The following SIAH3 variants were observed in gnomAD, a reference collection of about 807,000 sequenced individuals.
SIAH3 encodes siah E3 ubiquitin protein ligase family member 3, also known as seven in absentia homolog 3.
In SIAH3, 9 loss-of-function variants were observed where a neutral mutation model predicts 12.6. The ratio of observed to expected loss-of-function variants is 0.72; its 90% CI spans 0.43 to 1.25. The LOEUF is 1.25. Ranked by LOEUF, SIAH3 falls within the 50% of genes most tolerant of loss-of-function variation. The pLI, the probability that SIAH3 is intolerant of heterozygous loss-of-function variation, is 0.00. For synonymous variants in SIAH3, 154 were observed against 151.1 expected (o/e 1.02, Z -0.14); for missense variants, 390 against 365.4 (o/e 1.07, Z -0.55).
chr13:45,790,063 T>G (rs1292871601), intron 1 of SIAH3, among the ~76,000 whole-genome samples: 2 of 152,224 alleles, frequency 1.3e-5, no homozygotes, highest in East Asian at 3.9e-4. Context: ...AATATCCTTG[T>G]GTCCAGCTGC....
At chr13:45,813,730 G>T (rs1950624140) in intron 1 of SIAH3, among the ~76,000 whole-genome samples, 1 of 152,146 alleles carries the variant, frequency 6.6e-6, no homozygotes, top group Non-Finnish European at 1.5e-5. Context: ...TTCCTAGTTT[G>T]CAGACAGCTG....
chr13:45,833,091 T>C (rs1207817599), intron 1 of SIAH3, among the ~76,000 whole-genome samples: 1 of 152,162 alleles, frequency 6.6e-6, no homozygotes, highest in Non-Finnish European at 1.5e-5. Context: ...GGTGACAAAT[T>C]TGGGACCTCT....
intron 1 of SIAH3, among the ~76,000 whole-genome samples, chr13:45,840,589 A>G (rs918805030): frequency 6.6e-6 from 1 of 152,220 alleles, no homozygotes; most frequent in African/African-American, 2.4e-5. Context: ...GGAAGAAGTC[A>G]CTGCTGGAGG....
At chr13:45,842,910 C>T (rs1950745188) in intron 1 of SIAH3, among the ~76,000 whole-genome samples, 1 of 152,180 alleles carries the variant, frequency 6.6e-6, no homozygotes, top group African/African-American at 2.4e-5. Flanking sequence ...TGTTCTTCCA[C>T]TGTGCTGGGG....
intron 1 of SIAH3, among the ~76,000 whole-genome samples, chr13:45,828,492 C>G (rs990509313): frequency 1.3e-5 from 2 of 152,186 alleles, no homozygotes; most frequent in African/African-American, 4.8e-5. Context: ...ATTTTGGGAA[C>G]AGCAAAATTT....
chr13:45,816,853 A>C (rs1950636506), intron 1 of SIAH3, among the ~76,000 whole-genome samples: 1 of 152,230 alleles, frequency 6.6e-6, no homozygotes, highest in African/African-American at 2.4e-5. Flanking sequence ...TAACTATAAT[A>C]TATGGAGTGA....
intron 1 of SIAH3, among the ~76,000 whole-genome samples, chr13:45,850,488 G>A (rs1430450968): frequency 6.6e-6 from 1 of 152,134 alleles, no homozygotes; most frequent in East Asian, 1.9e-4. Context: ...AGGAGTACAG[G>A]AAAGGAACTT....
rs181901915 is a variant in SIAH3, at chr13:45,777,918, T to C, written c.*5465A>G. ...ACCTTGAAGATTCTGCCTGCTTCAATGGACTTAGCTGGAAGTTTCCAGTGA... is the reference window on the plus strand; with the variant it reads ...ACCTTGAAGATTCTGCCTGCTTCAACGGACTTAGCTGGAAGTTTCCAGTGA... On this transcript the variant is annotated 3_prime_UTR_variant, in exon 2 of 2. Transcript: ENST00000400405. 6.6e-6 allele frequency: 1 copy of C among 152,348 alleles called. No homozygotes were observed. Among genetic ancestry groups the C allele is most frequent in the African/African-American group, 2.4e-5 (1 of 41,582 alleles). 9.4% of individuals were successfully genotyped at this position (152,348 alleles called of 1,614,324 possible).
At chr13:45,786,009 T>A (rs1950526614) in intron 1 of SIAH3, among the ~76,000 whole-genome samples, 1 of 152,214 alleles carries the variant, frequency 6.6e-6, no homozygotes, top group Non-Finnish European at 1.5e-5. Flanking sequence ...AAATAATTAT[T>A]TCATTTAATT....
intron 1 of SIAH3, among the ~76,000 whole-genome samples, chr13:45,796,968 T>C (rs1950564931): frequency 6.6e-6 from 1 of 152,152 alleles, no homozygotes; most frequent in South Asian, 2.1e-4. Context: ...GAAGGGAGAA[T>C]TCCTGCCCCC....
At chr13:45,795,807 T>C (rs1950560563) in intron 1 of SIAH3, among the ~76,000 whole-genome samples, 1 of 152,204 alleles carries the variant, frequency 6.6e-6, no homozygotes, top group Non-Finnish European at 1.5e-5. Flanking sequence ...TAATTCATAA[T>C]AGCCAAAATC....
chr13:45,815,725 T>C (rs1950632245), intron 1 of SIAH3, among the ~76,000 whole-genome samples: 1 of 152,174 alleles, frequency 6.6e-6, no homozygotes. Flanking sequence ...GTTCACTCCA[T>C]GATGTGAGAG....
intron 1 of SIAH3, among the ~76,000 whole-genome samples, chr13:45,838,228 A>G (rs1032367625): frequency 1.3e-5 from 2 of 152,194 alleles, no homozygotes; most frequent in Non-Finnish European, 2.9e-5. Context: ...ATGAAAGCTT[A>G]GCCTCTTGAT....
chr13:45,823,066 G>A (rs962080617), intron 1 of SIAH3, among the ~76,000 whole-genome samples: 1 of 152,106 alleles, frequency 6.6e-6, no homozygotes, highest in African/African-American at 2.4e-5. Flanking sequence ...AAAGCTGTTA[G>A]CTCTTATTTG....
At chr13:45,835,197 A>G (rs1233075285) in intron 1 of SIAH3, among the ~76,000 whole-genome samples, 1 of 152,204 alleles carries the variant, frequency 6.6e-6, no homozygotes, top group Non-Finnish European at 1.5e-5. Flanking sequence ...AAACTTTGGT[A>G]TTATTGTGAT....
chr13:45,819,624 T>G (rs1950648139), intron 1 of SIAH3, among the ~76,000 whole-genome samples: 1 of 152,220 alleles, frequency 6.6e-6, no homozygotes, highest in Non-Finnish European at 1.5e-5. Context: ...AATGTGGCTT[T>G]AGAAATAGCT....
At chr13:45,845,421 T>G (rs1474940300) in intron 1 of SIAH3, among the ~76,000 whole-genome samples, 2 of 152,208 alleles carry the variant, frequency 1.3e-5, no homozygotes, top group Non-Finnish European at 2.9e-5. Flanking sequence ...TCAAAAGATT[T>G]AAGTTGTCCA....
chr13:45,848,122 C>T (rs922739644), intron 1 of SIAH3, among the ~76,000 whole-genome samples: 2 of 152,184 alleles, frequency 1.3e-5, no homozygotes, highest in Non-Finnish European at 2.9e-5. Context: ...CAGGCGCCCT[C>T]ATGAGCGCCA....
At chr13:45,833,509 G>A (rs1425806569) in intron 1 of SIAH3, among the ~76,000 whole-genome samples, 4 of 148,254 alleles carry the variant, frequency 2.7e-5, no homozygotes, top group South Asian at 4.3e-4. Context: ...ACACACACAC[G>A]GCAGTCCTTT....
Sources: gnomAD v4.1 joint callset for allele counts (sites outside exome capture counted in the v4.1 genomes callset) on GRCh38, gnomAD v4.1.1 for gene constraint, MANE v1.5 for transcripts, NCBI Gene and HGNC (gene_info 2026-07-23, HGNC 2026-07-21) for gene names.